The following PRR16 variants were observed in gnomAD, a reference collection of about 807,000 sequenced individuals.
PRR16 encodes proline rich 16.
Under a neutral mutation model 18.2 loss-of-function variants are expected in PRR16, and 6 were observed. The observed-to-expected ratio is 0.33, with a 90% CI of 0.18 to 0.65. PRR16 has a LOEUF of 0.65. PRR16 is among the 30% of genes least tolerant of loss of function. PRR16 has a pLI of 0.74. For synonymous variants in PRR16, 151 were observed against 147.8 expected (o/e 1.02, Z -0.16); for missense variants, 412 against 376.6 (o/e 1.09, Z -0.78).
At chr5:120,723,827 A>G in the PRR16 span, among the ~76,000 whole-genome samples, 1 of 151,946 alleles carries the variant, frequency 6.6e-6, no homozygotes, top group Admixed American at 6.6e-5. Context: ...TTATTTGTAA[A>G]TATTCAAAAT....
chr5:120,541,425 C>T (rs922764285), intron 1 of PRR16, among the ~76,000 whole-genome samples: 4 of 152,186 alleles, frequency 2.6e-5, no homozygotes, highest in African/African-American at 7.2e-5. Flanking sequence ...GGATTACAGG[C>T]GTGAGCCACT....
In PRR16 at chr5:120,627,326, TAAC is replaced by T. The variant is rs370171196; in HGVS notation, c.160-58625_160-58623del. On this transcript the variant is annotated intron_variant, in intron 1 of 1. Coordinates refer to ENST00000407149, the MANE Select transcript of PRR16 (RefSeq NM_001300783.2). Reference sequence around the variant, plus strand: ...CTCATTGCTCAAATTAGTAGATACTTAACAAGTACTGATTAATTCTGTACAGCC... The same window carrying T: ...CTCATTGCTCAAATTAGTAGATACTTAAGTACTGATTAATTCTGTACAGCC... 7.6e-4 allele frequency among the ~76,000 whole-genome samples: 115 copies of T among 152,224 alleles called. 2 individuals are homozygous for T. In the East Asian group the frequency reaches 0.017, roughly 22 times the overall value.
At chr5:120,786,417 AAGAC>A in the PRR16 span, among the ~76,000 whole-genome samples, 2 of 151,604 alleles carry the variant, frequency 1.3e-5, no homozygotes, top group Admixed American at 6.6e-5. Context: ...CAGGAGAAAT[AAGAC>A]AGATTTTTTT....
chr5:120,781,890 C>A, the PRR16 span, among the ~76,000 whole-genome samples: 2 of 151,692 alleles, frequency 1.3e-5, no homozygotes, highest in East Asian at 3.9e-4. Flanking sequence ...CAAATTATGT[C>A]CTTATTTTAA....
the PRR16 span, among the ~76,000 whole-genome samples, chr5:120,767,280 T>C: frequency 9.2e-5 from 14 of 151,956 alleles, no homozygotes; most frequent in Non-Finnish European, 1.8e-4. Flanking sequence ...TTTTAGGACA[T>C]TGGTTGACTT....
the PRR16 span, among the ~76,000 whole-genome samples, chr5:120,777,190 A>G: frequency 7.0e-4 from 106 of 152,216 alleles, 1 homozygote; most frequent in African/African-American, 2.4e-3. Flanking sequence ...ATCAAGTTTA[A>G]TAACTTTAAG....
chr5:120,747,946 T>C, the PRR16 span, among the ~76,000 whole-genome samples: 3 of 152,118 alleles, frequency 2.0e-5, no homozygotes, highest in Non-Finnish European at 4.4e-5. Context: ...CCCCACATTT[T>C]AGAATTACTT....
the PRR16 span, among the ~76,000 whole-genome samples, chr5:120,702,943 G>A: frequency 6.6e-6 from 1 of 152,188 alleles, no homozygotes; most frequent in Non-Finnish European, 1.5e-5. Context: ...CCCCCGATCC[G>A]AGTCACGGCA....
intron 1 of PRR16, among the ~76,000 whole-genome samples, chr5:120,556,240 T>TG (rs1334529478): frequency 1.3e-5 from 2 of 149,558 alleles, no homozygotes; most frequent in Non-Finnish European, 3.0e-5. Context: ...ATTGTTTTTT[T>TG]TTTTTTTTTT....
chr5:120,737,012 G>A, the PRR16 span, among the ~76,000 whole-genome samples: 1 of 152,132 alleles, frequency 6.6e-6, no homozygotes, highest in Non-Finnish European at 1.5e-5. Context: ...TCTTTAGAGT[G>A]TTCTACACAG....
intron 1 of PRR16, among the ~76,000 whole-genome samples, chr5:120,680,974 T>C (rs1347375548): frequency 6.6e-6 from 1 of 152,206 alleles, no homozygotes; most frequent in Admixed American, 6.5e-5. Context: ...AAGAAAGATT[T>C]GGACTAAGTT....
chr5:120,471,993 T>C lies in PRR16; in HGVS notation c.159+7348T>C, dbSNP rs532731719. Among the ~76,000 whole-genome samples the C allele has an allele frequency of 5.9e-5, 9 of 152,280 alleles. No homozygotes were observed. The South Asian group carries it at 1.9e-3, about 32-fold the overall frequency. On this transcript the variant is annotated intron_variant, in intron 1 of 1. Coordinates refer to ENST00000407149, the MANE Select transcript of PRR16 (RefSeq NM_001300783.2). ...AAGAATTTAAACTCCCAGACCTCAC[T>C]TTCAGGCAAGAAATATTAACACTGT...
intron 1 of PRR16, among the ~76,000 whole-genome samples, chr5:120,591,899 T>C (rs1345743634): frequency 6.6e-6 from 1 of 152,154 alleles, no homozygotes; most frequent in Non-Finnish European, 1.5e-5. Context: ...ATACAAATTT[T>C]ACAATGGCAT....
At chr5:120,607,236 A>G (rs777346816) in intron 1 of PRR16, among the ~76,000 whole-genome samples, 2 of 152,152 alleles carry the variant, frequency 1.3e-5, no homozygotes, top group Non-Finnish European at 2.9e-5. Flanking sequence ...TATATCTTAG[A>G]TTTCTTTTTC....
intron 1 of PRR16, among the ~76,000 whole-genome samples, chr5:120,605,870 A>T (rs1162807290): frequency 1.3e-5 from 2 of 152,138 alleles, no homozygotes; most frequent in East Asian, 3.9e-4. Context: ...CTGGAGGTCA[A>T]GCACCTCCTG....
intron 1 of PRR16, among the ~76,000 whole-genome samples, chr5:120,593,761 C>T (rs1428731067): frequency 6.6e-6 from 1 of 151,974 alleles, no homozygotes; most frequent in African/African-American, 2.4e-5. Flanking sequence ...CAAGAAAATA[C>T]CAACAAACCG....
chr5:120,646,328 C>T (rs1283266990), intron 1 of PRR16, among the ~76,000 whole-genome samples: 1 of 151,838 alleles, frequency 6.6e-6, no homozygotes, highest in East Asian at 1.9e-4. Context: ...GGAATAGTGA[C>T]AGTCTTATTC....
the PRR16 span, among the ~76,000 whole-genome samples, chr5:120,735,786 A>AT: frequency 2.4e-4 from 37 of 151,914 alleles, no homozygotes; most frequent in Non-Finnish European, 3.8e-4. Context: ...CTGTAGGTTG[A>AT]TTTTTTTACT....
chr5:120,638,172 G>C (rs190912222), intron 1 of PRR16, among the ~76,000 whole-genome samples: 1 of 152,190 alleles, frequency 6.6e-6, no homozygotes, highest in Admixed American at 6.5e-5. Flanking sequence ...ACTGTGACCT[G>C]TCACAGGAGG....
Sources: allele counts gnomAD v4.1 joint callset (sites outside exome capture counted in the v4.1 genomes callset), GRCh38; gene constraint gnomAD v4.1.1; transcripts MANE v1.5; gene names NCBI Gene and HGNC (gene_info 2026-07-23, HGNC 2026-07-21).